Variants in EPHA3 observed in about 807,000 individuals in gnomAD.
EPHA3 encodes the protein EPH receptor A3.
Under a neutral mutation model 107.1 loss-of-function variants are expected in EPHA3, and 42 were observed. The observed-to-expected ratio is 0.39, with a 90% CI of 0.31 to 0.51. EPHA3 has a LOEUF of 0.51. Ranked by LOEUF, EPHA3 falls within the 20% of genes least tolerant of loss-of-function variation. The probability of loss-of-function intolerance (pLI) is 0.78; values close to 1 mark genes in which losing one functional copy is unlikely to be tolerated. For synonymous variants in EPHA3, 461 were observed against 424.8 expected, an observed-to-expected ratio of 1.09 and a Z score of -1.05; for missense variants, 1,183 against 1,211.2, an observed-to-expected ratio of 0.98 and a Z score of 0.35.
chr3:89,189,665 C>G (rs1293892436), intron 2 of EPHA3, among the ~76,000 whole-genome samples: 2 of 152,184 alleles, frequency 1.3e-5, no homozygotes, highest in Non-Finnish European at 2.9e-5. Context: ...TTGAGAATTC[C>G]TCGTTTCCTG....
At chr3:89,417,751 T>C (rs866955774) in intron 10 of EPHA3, among the ~76,000 whole-genome samples, 1 of 151,620 alleles carries the variant, frequency 6.6e-6, no homozygotes, top group Middle Eastern at 3.4e-3. Context: ...GGGAATAAAC[T>C]AGTCCTGTCT....
At chr3:89,339,525 A>C (rs1707469792) in intron 3 of EPHA3, among the ~76,000 whole-genome samples, 1 of 152,216 alleles carries the variant, frequency 6.6e-6, no homozygotes, top group Admixed American at 6.5e-5. Context: ...ACTAGAAAAC[A>C]GTAAGACTAG....
intron 3 of EPHA3, among the ~76,000 whole-genome samples, chr3:89,261,856 CT>C (rs1705424882): frequency 1.3e-5 from 2 of 150,308 alleles, no homozygotes; most frequent in South Asian, 4.3e-4. Context: ...TTTTGCCATA[CT>C]TTTAATGGCA....
rs114803510 is a variant in EPHA3 at position 89,141,769 on chromosome 3, A to G, written c.153+14496A>G. 5.1e-3 allele frequency among the ~76,000 whole-genome samples: 768 copies of G among 151,668 alleles called. 4 individuals are homozygous for G. The highest frequency in any genetic ancestry group is 0.027 in the East Asian group (138 of 5,132). Reference sequence around the variant, plus strand: ...TACACACATACGTCTAGGTGTGAATATATCTATGTATACATCTACACATAT... The same window carrying G: ...TACACACATACGTCTAGGTGTGAATGTATCTATGTATACATCTACACATAT... On this transcript the variant is annotated intron_variant, in intron 2 of 16. Coordinates refer to ENST00000336596, the MANE Select transcript of EPHA3 (RefSeq NM_005233.6).
chr3:89,321,505 T>C (rs1258077755), intron 3 of EPHA3, among the ~76,000 whole-genome samples: 1 of 152,106 alleles, frequency 6.6e-6, no homozygotes, highest in South Asian at 2.1e-4. Context: ...GCACTTCCTT[T>C]AAATGTCTGC....
chr3:89,174,911 A>T (rs1250378626), intron 2 of EPHA3, among the ~76,000 whole-genome samples: 1 of 151,006 alleles, frequency 6.6e-6, no homozygotes, highest in Non-Finnish European at 1.5e-5. Context: ...TGTGCAGAGG[A>T]AAAAAAAAGC....
chr3:89,229,977 T>C (rs2107222624), intron 3 of EPHA3, among the ~76,000 whole-genome samples: 1 of 152,216 alleles, frequency 6.6e-6, no homozygotes, highest in Non-Finnish European at 1.5e-5. Context: ...TTTTCAATTG[T>C]TTACACTCGA....
chr3:89,251,358 T>C (rs1705163194), intron 3 of EPHA3, among the ~76,000 whole-genome samples: 2 of 152,068 alleles, frequency 1.3e-5, no homozygotes, highest in Admixed American at 6.5e-5. Flanking sequence ...AGGAGATTAA[T>C]ATAATAACTT....
chr3:89,238,346 A>G (rs1365318333), intron 3 of EPHA3, among the ~76,000 whole-genome samples: 5 of 152,196 alleles, frequency 3.3e-5, no homozygotes, highest in Admixed American at 6.5e-5. Context: ...TCAAGTAACA[A>G]TAGAGAATTT....
chr3:89,384,673 A>T (rs1285097142), intron 5 of EPHA3, among the ~76,000 whole-genome samples: 1 of 152,234 alleles, frequency 6.6e-6, no homozygotes, highest in African/African-American at 2.4e-5. Context: ...GATGAAAAAA[A>T]GAAAGAATGT....
chr3:89,225,599 C>T (rs1704484242), intron 3 of EPHA3, among the ~76,000 whole-genome samples: 1 of 152,126 alleles, frequency 6.6e-6, no homozygotes, highest in South Asian at 2.1e-4. Flanking sequence ...GGTAAAATTG[C>T]TAAGTGAGGA....
intron 13 of EPHA3, among the ~76,000 whole-genome samples, chr3:89,435,532 A>G (rs1378677108): frequency 2.1e-5 from 3 of 146,286 alleles, no homozygotes; most frequent in Non-Finnish European, 3.0e-5. Context: ...CTATATAAAT[A>G]CTATATCTAT....
At chr3:89,355,826 A>C (rs1707936027) in intron 5 of EPHA3, among the ~76,000 whole-genome samples, 1 of 147,904 alleles carries the variant, frequency 6.8e-6, no homozygotes, top group Non-Finnish European at 1.5e-5. Flanking sequence ...AAATATATAT[A>C]TATTTTTTAT....
In EPHA3 at chr3:89,431,371, A is replaced by C. The variant is rs199809489; in HGVS notation, c.2346+12A>C. 2 of 1,604,922 alleles carry C rather than the reference A, an allele frequency of 1.2e-6. No individual in the cohort carries two copies. The highest frequency in any genetic ancestry group is 2.7e-5 in the African/African-American group (2 of 74,586). Reference sequence around the variant, plus strand: ...CTTATACAACAAGAGTGAGTAACTTAGATTTTCTCCTTTTTTATCATTGTT... The same window carrying C: ...CTTATACAACAAGAGTGAGTAACTTCGATTTTCTCCTTTTTTATCATTGTT... On this transcript the variant is annotated intron_variant, in intron 13 of 16. Transcript: ENST00000336596.
intron 15 of EPHA3, among the ~76,000 whole-genome samples, chr3:89,459,902 A>C (rs1262350206): frequency 6.6e-6 from 1 of 152,214 alleles, no homozygotes. Flanking sequence ...TAAAATAAAA[A>C]TATTCTTTAA....
intron 2 of EPHA3, among the ~76,000 whole-genome samples, chr3:89,190,191 C>A (rs1377270110): frequency 6.6e-6 from 1 of 151,748 alleles, no homozygotes; most frequent in Non-Finnish European, 1.5e-5. Flanking sequence ...TTTTTTAACA[C>A]TTACTAAGAG....
chr3:89,194,904 A>T (rs569606867), intron 2 of EPHA3, among the ~76,000 whole-genome samples: 2 of 152,074 alleles, frequency 1.3e-5, no homozygotes, highest in African/African-American at 4.8e-5. Flanking sequence ...GGAACATTTC[A>T]ATATGGATGT....
At chr3:89,247,260 G>A (rs1705055066) in intron 3 of EPHA3, among the ~76,000 whole-genome samples, 1 of 152,144 alleles carries the variant, frequency 6.6e-6, no homozygotes, top group African/African-American at 2.4e-5. Context: ...AAGTTGAGGG[G>A]ATGGGGAATA....
intron 3 of EPHA3, among the ~76,000 whole-genome samples, chr3:89,325,342 T>C (rs1040950264): frequency 6.6e-6 from 1 of 152,184 alleles, no homozygotes; most frequent in Non-Finnish European, 1.5e-5. Flanking sequence ...TTCAGTAGTT[T>C]CCCATCTGTT....
Sources: gnomAD v4.1 joint callset for allele counts (sites outside exome capture counted in the v4.1 genomes callset) on GRCh38, gnomAD v4.1.1 for gene constraint, MANE v1.5 for transcripts, NCBI Gene and HGNC (gene_info 2026-07-23, HGNC 2026-07-21) for gene names.